The following CTNNA1 variants were observed in gnomAD, a reference collection of about 807,000 sequenced individuals.
CTNNA1 encodes catenin alpha 1.
CTNNA1 carries 37 observed loss-of-function variants against 98.4 expected under a neutral mutation model. That is an observed-to-expected ratio of 0.38 (90% CI 0.29 to 0.49). The LOEUF (loss-of-function observed/expected upper bound fraction) is 0.49. Ranked by LOEUF, CTNNA1 falls within the 20% of genes least tolerant of loss-of-function variation. CTNNA1 has a pLI of 0.95. For missense variants in CTNNA1, 761 were observed against 1,147.2 expected (o/e 0.66, Z 4.86); for synonymous variants, 404 against 413.2 (o/e 0.98, Z 0.27).
At chr5:138,895,505 G>A (rs534774329) in intron 9 of CTNNA1, among the ~76,000 whole-genome samples, 2 of 65,370 alleles carry the variant, frequency 3.1e-5, no homozygotes, top group Non-Finnish European at 3.1e-5. Context: ...CAGTTTTTTG[G>A]GGGGGGGGAT....
At chr5:138,913,708 G>A (rs938833787) in intron 10 of CTNNA1, among the ~76,000 whole-genome samples, 3 of 151,568 alleles carry the variant, frequency 2.0e-5, no homozygotes, top group Admixed American at 2.0e-4. Flanking sequence ...TTATTTCTTT[G>A]GCTAGAAAGT....
chr5:138,792,489 A>G (rs920603532), intron 3 of CTNNA1, among the ~76,000 whole-genome samples: 3 of 152,242 alleles, frequency 2.0e-5, no homozygotes, highest in Admixed American at 6.5e-5. Context: ...AGCACGTATC[A>G]GTGACTGTTT....
At chr5:138,779,716 TGTTTTTG>T (rs1754829202) in intron 1 of CTNNA1, among the ~76,000 whole-genome samples, 1 of 69,178 alleles carries the variant, frequency 1.4e-5, no homozygotes, top group African/African-American at 5.8e-5. Context: ...GGTTTTTTTT[TGTTTTTG>T]TTTTTTTTTT....
intron 7 of CTNNA1, among the ~76,000 whole-genome samples, chr5:138,832,224 T>G (rs1421761563): frequency 6.6e-6 from 1 of 152,176 alleles, no homozygotes; most frequent in Admixed American, 6.5e-5. Flanking sequence ...AGTTGGTAGG[T>G]AGTCTTGGCT....
At position 138,794,992 on chromosome 5, in the gene CTNNA1, A is replaced by G. The variant is rs1756780584; in HGVS notation, c.301+11620A>G. 2.6e-5 allele frequency among the ~76,000 whole-genome samples: 4 copies of G among 151,718 alleles called. No homozygotes were observed. In the South Asian group the frequency reaches 8.4e-4, roughly 32 times the overall value. ...TGGTGAAACTCTGTCTCTACTGAAA[A>G]TACAAAAATTAGCCAGATGTGGTAG... is the stretch of plus-strand genomic sequence containing the variant. On this transcript the variant is annotated intron_variant, in intron 3 of 17. Transcript: ENST00000302763.
intron 6 of CTNNA1, 123 bp downstream of exon 6, chr5:138,824,922 A>T: frequency 1.2e-6 from 1 of 859,416 alleles, no homozygotes. Context: ...CTTTAATCTA[A>T]GTCAAAAGAA....
At chr5:138,860,773 A>G (rs1764197698) in intron 7 of CTNNA1, among the ~76,000 whole-genome samples, 1 of 152,048 alleles carries the variant, frequency 6.6e-6, no homozygotes, top group Non-Finnish European at 1.5e-5. Flanking sequence ...GGCAGTTTTA[A>G]TACGGTAATA....
intron 7 of CTNNA1, among the ~76,000 whole-genome samples, chr5:138,865,006 G>T (rs927942404): frequency 1.3e-5 from 2 of 151,934 alleles, no homozygotes; most frequent in African/African-American, 2.4e-5. Context: ...TAGAGACGGG[G>T]TTTCACCATC....
At chr5:138,757,970 A>G (rs1171424491) in intron 1 of CTNNA1, among the ~76,000 whole-genome samples, 1 of 152,012 alleles carries the variant, frequency 6.6e-6, no homozygotes, top group Non-Finnish European at 1.5e-5. Flanking sequence ...CTCTCCATGC[A>G]GTCCTCAGCT....
At chr5:138,840,343 T>A (rs552464032) in intron 7 of CTNNA1, among the ~76,000 whole-genome samples, 4 of 152,316 alleles carry the variant, frequency 2.6e-5, no homozygotes, top group African/African-American at 9.6e-5. Flanking sequence ...TCTGCATGAT[T>A]TTGTAGTTCA....
chr5:138,907,644 T>C (rs180786265), intron 10 of CTNNA1, among the ~76,000 whole-genome samples: 141 of 152,332 alleles, frequency 9.3e-4, no homozygotes, highest in African/African-American at 3.2e-3. Flanking sequence ...TTAATCAACA[T>C]GTTAGGTAAC....
chr5:138,856,726 A>G (rs976560201), intron 7 of CTNNA1, among the ~76,000 whole-genome samples: 5 of 152,204 alleles, frequency 3.3e-5, no homozygotes, highest in East Asian at 1.9e-4. Context: ...TAAGATTGGC[A>G]GAAGGGTGGA....
intron 3 of CTNNA1, among the ~76,000 whole-genome samples, chr5:138,804,071 C>G (rs1053634706): frequency 6.6e-6 from 1 of 152,194 alleles, no homozygotes; most frequent in Non-Finnish European, 1.5e-5. Flanking sequence ...TCTACCAACC[C>G]TATTTTGTCT....
chr5:138,796,723 G>A (rs999802745), intron 3 of CTNNA1, among the ~76,000 whole-genome samples: 1 of 152,186 alleles, frequency 6.6e-6, no homozygotes, highest in African/African-American at 2.4e-5. Context: ...TGAGTAATTT[G>A]AACATGTTTA....
At chr5:138,872,030 G>C (rs902167163) in intron 7 of CTNNA1, 1 of 85,296 alleles carries the variant, frequency 1.2e-5, no homozygotes, top group African/African-American at 7.1e-5. Flanking sequence ...GCGCGAGAGT[G>C]TGTGTGTGTG....
rs944376662 is a variant in CTNNA1 at position 138,753,495 on chromosome 5, G to A, written c.-18G>A. On this transcript the variant is annotated 5_prime_UTR_variant, in exon 1 of 18. Transcript: ENST00000302763. ...TTCGGGCCTCTGGAATTTAGCGCTC[G>A]CCCAGCTAGCCGCAGGTAACTTCGT... 16 of 378,916 alleles carry A rather than the reference G, an allele frequency of 4.2e-5. No individual in the cohort carries two copies. The highest frequency in any genetic ancestry group is 6.1e-5 in the Non-Finnish European group (13 of 213,240). The allele number at this position is 378,916 out of a possible 1,614,324, so 23.5% of individuals were successfully genotyped here.
At chr5:138,933,679 T>G in intron 17 of CTNNA1, 123 bp from the exon 18 acceptor site, 1 of 1,003,984 alleles carries the variant, frequency 1.0e-6, no homozygotes, top group Non-Finnish European at 1.4e-6. Context: ...CCCAATCCTC[T>G]GCGACCTGCC....
intron 7 of CTNNA1, among the ~76,000 whole-genome samples, chr5:138,877,802 C>T (rs1751986014): frequency 6.6e-6 from 1 of 152,142 alleles, no homozygotes; most frequent in Admixed American, 6.5e-5. Flanking sequence ...TTATTGAAGT[C>T]AGCTACCCTC....
At chr5:138,899,195 C>CTTGTATACT (rs1423687512) in intron 9 of CTNNA1, among the ~76,000 whole-genome samples, 2 of 151,968 alleles carry the variant, frequency 1.3e-5, no homozygotes, top group Admixed American at 1.3e-4. Context: ...GGCTCATTTC[C>CTTGTATACT]TTGTATACTT....
Sources: allele counts gnomAD v4.1 joint callset (sites outside exome capture counted in the v4.1 genomes callset), GRCh38; gene constraint gnomAD v4.1.1; transcripts MANE v1.5; gene names NCBI Gene and HGNC (gene_info 2026-07-23, HGNC 2026-07-21).